The following SMPDL3B variants were observed in gnomAD, a reference collection of about 807,000 sequenced individuals.
SMPDL3B encodes the protein sphingomyelin phosphodiesterase acid like 3B.
Under a neutral mutation model 37.9 loss-of-function variants are expected in SMPDL3B, and 31 were observed. The observed-to-expected ratio is 0.82, with a 90% CI of 0.61 to 1.10. The LOEUF is 1.10. SMPDL3B is among the 50% of genes least tolerant of loss of function. The pLI, the probability that SMPDL3B is intolerant of heterozygous loss-of-function variation, is 0.00. For missense variants in SMPDL3B, 525 were observed against 597.8 expected, an observed-to-expected ratio of 0.88 and a Z score of 1.27; for synonymous variants, 235 against 242.6, an observed-to-expected ratio of 0.97 and a Z score of 0.29.
chr1:27,935,624 T>C (rs982164314), intron 1 of SMPDL3B, among the ~76,000 whole-genome samples: 7 of 152,272 alleles, frequency 4.6e-5, no homozygotes, highest in Admixed American at 4.6e-4. Flanking sequence ...CCCGTCTCAA[T>C]GAAGAATTCC....
intron 2 of SMPDL3B, among the ~76,000 whole-genome samples, chr1:27,946,986 A>T (rs531755967): frequency 7.3e-5 from 11 of 151,572 alleles, no homozygotes; most frequent in Non-Finnish European, 1.3e-4. Context: ...CATGTGTAGC[A>T]TTCAGACAGA....
At chr1:27,942,032 AAC>A (rs1485891179) in intron 1 of SMPDL3B, among the ~76,000 whole-genome samples, 1 of 152,012 alleles carries the variant, frequency 6.6e-6, no homozygotes, top group Non-Finnish European at 1.5e-5. Flanking sequence ...CACACACATA[AAC>A]ACACATGCAT....
In SMPDL3B at chr1:27,953,291, C is replaced by A. The variant is rs200001222; in HGVS notation, c.450C>A (p.Ile150=). 6.2e-7 allele frequency: 1 copy of A among 1,613,740 alleles called. No individual in the cohort carries two copies. The highest frequency in any genetic ancestry group is 1.7e-5 in the Admixed American group (1 of 60,010). Reference sequence around the variant, plus strand: ...AGTTCCCAGCTGGAAGTAACAACATCTACAATCAGATAGCAGAACTATGGA... The same window carrying A: ...AGTTCCCAGCTGGAAGTAACAACATATACAATCAGATAGCAGAACTATGGA... ...KNQFPAGSNN[I]YNQIAELWKP... The change falls in exon 4 of 8, where the codon ATC becomes ATA. Residue 150 remains isoleucine, a synonymous_variant. Coordinates refer to ENST00000373894, the MANE Select transcript of SMPDL3B (RefSeq NM_014474.4).
At position 27,948,981 on chromosome 1, in the gene SMPDL3B, C is replaced by T. The variant is rs761686299; in HGVS notation, c.276-84C>T. The T allele has an allele frequency of 2.7e-5, 43 of 1,597,762 alleles. 1 individual carries two copies. In the South Asian group the frequency reaches 4.5e-4, roughly 17 times the overall value. On this transcript the variant is annotated intron_variant, in intron 2 of 7. Transcript: ENST00000373894. Reference sequence around the variant, plus strand: ...TCTGAGGCCCAGGTCCATAGGTTTTCCTCTCACTGCAGAGCTGTCCCTTCC... The same window carrying T: ...TCTGAGGCCCAGGTCCATAGGTTTTTCTCTCACTGCAGAGCTGTCCCTTCC...
intron 7 of SMPDL3B, among the ~76,000 whole-genome samples, chr1:27,957,018 C>T (rs989038881): frequency 2.0e-5 from 3 of 151,878 alleles, no homozygotes; most frequent in Admixed American, 6.6e-5. Context: ...GGCCATGTGG[C>T]CACAGTAAGA....
intron 1 of SMPDL3B, among the ~76,000 whole-genome samples, chr1:27,942,050 C>T (rs921122146): frequency 1.3e-5 from 2 of 152,178 alleles, no homozygotes; most frequent in Admixed American, 6.5e-5. Flanking sequence ...TGCATGTACA[C>T]ACACCCTTCA....
In SMPDL3B at chr1:27,958,610, C is replaced by T; in HGVS notation, c.1140C>T (p.Asp380=). 6.2e-7 allele frequency: 1 copy of T among 1,613,734 alleles called. No homozygotes were observed. Among genetic ancestry groups the T allele is most frequent in the African/African-American group, 1.3e-5 (1 of 75,070 alleles). ...CCCACTCCATGCACACAGTGCTGGA[C>T]CGCATCGCTGGCGACCAGAGCACAC... ...ASAHSMHTVL[D]RIAGDQSTLQ... The change falls in exon 8 of 8, where the codon GAC becomes GAT. Residue 380 remains aspartate, a synonymous_variant. Transcript: ENST00000373894. The surrounding 1 kb of genome is among the most constrained non-coding windows in gnomAD (Gnocchi z 5.6).
chr1:27,940,659 GAAT>G lies in SMPDL3B; in HGVS notation c.62-4566_62-4564del, dbSNP rs2090349597. Among the ~76,000 whole-genome samples, 4 of 152,244 alleles carry G rather than the reference GAAT, an allele frequency of 2.6e-5. No homozygotes were observed. The South Asian group carries it at 8.3e-4, about 32-fold the overall frequency. On this transcript the variant is annotated intron_variant, in intron 1 of 7. Coordinates refer to ENST00000373894, the MANE Select transcript of SMPDL3B (RefSeq NM_014474.4). ...TTTATTTATCTTCTCAGTAATAAAT[GAAT>G]AATAATGATAGCTGAGATTGGTGTA...
chr1:27,938,939 C>T (rs1317630944), intron 1 of SMPDL3B: 1 of 152,070 alleles, frequency 6.6e-6, no homozygotes, highest in Admixed American at 6.6e-5. Flanking sequence ...GGGACGTAGC[C>T]CCATTGTAAG....
chr1:27,956,198 G>A (rs1442152429), intron 7 of SMPDL3B, 116 bp downstream of exon 7: 1 of 1,603,782 alleles, frequency 6.2e-7, no homozygotes, highest in Admixed American at 1.7e-5. Context: ...CAGGAAGGTT[G>A]AGCTCCTTCC....
At position 27,959,075 on chromosome 1, in the gene SMPDL3B, G is replaced by T. The variant is rs919395975; in HGVS notation, c.*237G>T. ...AAACCAGAAACAGAAAAGAAATGAC[G>T]ACCCAAGACCCCCCTACAAGCATAC... On this transcript the variant is annotated 3_prime_UTR_variant, in exon 8 of 8. Coordinates refer to ENST00000373894, the MANE Select transcript of SMPDL3B (RefSeq NM_014474.4). 5.6e-6 allele frequency: 3 copies of T among 532,646 alleles called. No individual in the cohort carries two copies. Among genetic ancestry groups the T allele is most frequent in the Non-Finnish European group, 1.0e-5 (3 of 298,184 alleles). The allele number at this position is 532,646 out of a possible 1,614,324, so 33.0% of individuals were successfully genotyped here. A position where few individuals can be genotyped will look rare whatever the true frequency, so the allele number is the denominator to read the frequency against.
chr1:27,936,860 A>G (rs1036225923), intron 1 of SMPDL3B, among the ~76,000 whole-genome samples: 19 of 152,082 alleles, frequency 1.2e-4, no homozygotes, highest in African/African-American at 4.3e-4. Context: ...ACTCTACTAA[A>G]AGTACAAAAA....
intron 1 of SMPDL3B, chr1:27,938,882 T>C (rs1345680529): frequency 2.0e-5 from 3 of 152,206 alleles, no homozygotes; most frequent in Admixed American, 6.5e-5. Context: ...CTTTGGTAGG[T>C]TGGGTGTGTT....
At chr1:27,940,746 G>A (rs1003214525) in intron 1 of SMPDL3B, among the ~76,000 whole-genome samples, 1 of 152,188 alleles carries the variant, frequency 6.6e-6, no homozygotes, top group African/African-American at 2.4e-5. Context: ...GGTCCAAGCA[G>A]TGCGAATGTA....
At chr1:27,957,342 G>A (rs1052798494) in intron 7 of SMPDL3B, among the ~76,000 whole-genome samples, 1 of 152,138 alleles carries the variant, frequency 6.6e-6, no homozygotes, top group Non-Finnish European at 1.5e-5. Context: ...TGAGAAAAAG[G>A]GACGAATCCA....
intron 1 of SMPDL3B, among the ~76,000 whole-genome samples, chr1:27,944,012 CA>C (rs5773206): frequency 0.59 from 54,559 of 92,416 alleles, 13,020 homozygotes; most frequent in South Asian, 0.64. Context: ...AACTCTGTCT[CA>C]AAAAAAAAAA....
chr1:27,952,835 G>A lies in SMPDL3B; in HGVS notation c.374-380G>A, dbSNP rs139755600. Reference sequence around the variant, plus strand: ...AACTCCTAAGGCCTCCCAGAGTGACGCAGACCCTTTCCCTAACAGTAAGAT... The same window carrying A: ...AACTCCTAAGGCCTCCCAGAGTGACACAGACCCTTTCCCTAACAGTAAGAT... On this transcript the variant is annotated intron_variant, in intron 3 of 7. Transcript: ENST00000373894. Among the ~76,000 whole-genome samples, 313 of 152,294 alleles carry A rather than the reference G, an allele frequency of 2.1e-3. 1 individual carries two copies. The highest frequency in any genetic ancestry group is 6.7e-3 in the African/African-American group (279 of 41,554).
intron 2 of SMPDL3B, among the ~76,000 whole-genome samples, chr1:27,948,417 G>A (rs570797344): frequency 6.6e-5 from 10 of 151,994 alleles, no homozygotes; most frequent in South Asian, 2.1e-4. Context: ...TTGACTGTCC[G>A]GACGTCTCCC....
chr1:27,935,514 T>C (rs1181011975), intron 1 of SMPDL3B, among the ~76,000 whole-genome samples: 1 of 151,848 alleles, frequency 6.6e-6, no homozygotes, highest in Non-Finnish European at 1.5e-5. Flanking sequence ...AGGTAGGAGG[T>C]GGCAGGAAAG....
Sources: gnomAD v4.1 joint callset for allele counts (sites outside exome capture counted in the v4.1 genomes callset) on GRCh38, gnomAD v4.1.1 for gene constraint, Gnocchi (gnomAD v3.1) non-coding constraint, MANE v1.5 for transcripts, NCBI Gene and HGNC (gene_info 2026-07-23, HGNC 2026-07-21) for gene names.